The following SPAG16 variants were observed in gnomAD, a reference collection of about 807,000 sequenced individuals.
SPAG16 encodes the protein sperm associated antigen 16, also known as sperm-associated antigen 16 protein.
Under a neutral mutation model 80.4 loss-of-function variants are expected in SPAG16, and 86 were observed. The observed-to-expected ratio is 1.07, with a 90% CI of 0.90 to 1.28. The LOEUF is 1.28. Ranked by LOEUF, SPAG16 falls within the 50% of genes most tolerant of loss-of-function variation. The probability of loss-of-function intolerance (pLI) is 0.00; values close to 1 mark genes in which losing one functional copy is unlikely to be tolerated. For synonymous variants in SPAG16, 294 were observed against 265.9 expected (o/e 1.11, Z -1.03); for missense variants, 870 against 765.3 (o/e 1.14, Z -1.61).
intron 10 of SPAG16, among the ~76,000 whole-genome samples, chr2:213,523,667 T>C (rs1474522810): frequency 1.3e-5 from 2 of 152,200 alleles, no homozygotes; most frequent in Admixed American, 1.3e-4. Flanking sequence ...CTGATAGTGA[T>C]ACAAACAATG....
intron 13 of SPAG16, among the ~76,000 whole-genome samples, chr2:214,025,861 A>G (rs1401534323): frequency 6.6e-6 from 1 of 151,550 alleles, no homozygotes; most frequent in Non-Finnish European, 1.5e-5. Flanking sequence ...TGTGCATTCT[A>G]TATATAAGGA....
chr2:213,564,631 T>C (rs943472160), intron 10 of SPAG16, among the ~76,000 whole-genome samples: 12 of 152,180 alleles, frequency 7.9e-5, no homozygotes, highest in Non-Finnish European at 1.6e-4. Flanking sequence ...ACATGCCTTG[T>C]AGCACATAAA....
At chr2:214,319,200 C>CACACACACACACACACACACA (rs140486125) in intron 15 of SPAG16, among the ~76,000 whole-genome samples, 2 of 142,340 alleles carry the variant, frequency 1.4e-5, no homozygotes, top group African/African-American at 2.6e-5. Flanking sequence ...CACACACACA[C>CACACACACACACACACACACA]CACACACACA....
chr2:213,576,258 C>T (rs945890658), intron 10 of SPAG16, among the ~76,000 whole-genome samples: 3 of 152,080 alleles, frequency 2.0e-5, no homozygotes, highest in African/African-American at 7.2e-5. Context: ...TTTCTGGGTT[C>T]TCTATTCTGT....
At chr2:213,699,567 G>C (rs2065314020) in intron 10 of SPAG16, among the ~76,000 whole-genome samples, 1 of 152,146 alleles carries the variant, frequency 6.6e-6, no homozygotes, top group Non-Finnish European at 1.5e-5. Context: ...GCTGCAGCAG[G>C]ATGTCTAGTA....
At position 213,601,329 on chromosome 2, in the gene SPAG16, C is replaced by G. The variant is rs73988562; in HGVS notation, c.1070+111239C>G. Among the ~76,000 whole-genome samples, 387 of 152,178 alleles carry G rather than the reference C, an allele frequency of 2.5e-3. 3 individuals are homozygous for G. The highest frequency in any genetic ancestry group is 8.5e-3 in the African/African-American group (355 of 41,530). On this transcript the variant is annotated intron_variant, in intron 10 of 15. Transcript: ENST00000331683. ...TTGGAAGAGATGGAGGGGAGAGAGA[C>G]CTTGAGGCTTCTTTTTCAGTTCATC...
At chr2:213,843,139 G>C (rs1575324059) in intron 10 of SPAG16, among the ~76,000 whole-genome samples, 2 of 151,612 alleles carry the variant, frequency 1.3e-5, no homozygotes, top group African/African-American at 2.4e-5. Flanking sequence ...TATACTTTAA[G>C]TTTTAGGGTA....
chr2:214,295,930 A>G (rs1200626205), intron 15 of SPAG16, among the ~76,000 whole-genome samples: 1 of 152,186 alleles, frequency 6.6e-6, no homozygotes, highest in Non-Finnish European at 1.5e-5. Flanking sequence ...CAGGGGATAT[A>G]TGTGCATGTT....
At chr2:213,543,798 T>C (rs1250205453) in intron 10 of SPAG16, among the ~76,000 whole-genome samples, 3 of 152,082 alleles carry the variant, frequency 2.0e-5, no homozygotes, top group South Asian at 4.1e-4. Flanking sequence ...TTCTACCAGA[T>C]ACACCTTGAT....
intron 9 of SPAG16, among the ~76,000 whole-genome samples, chr2:213,424,294 AG>A (rs1254731756): frequency 1.3e-5 from 2 of 152,244 alleles, no homozygotes; most frequent in South Asian, 4.1e-4. Flanking sequence ...TAGAAGGATT[AG>A]AAGATTAAAT....
At chr2:213,336,793 T>C (rs749858683) in intron 5 of SPAG16, among the ~76,000 whole-genome samples, 2 of 152,184 alleles carry the variant, frequency 1.3e-5, no homozygotes, top group Non-Finnish European at 2.9e-5. Context: ...CAGTGGTCTT[T>C]GTCTTTTCTG....
At chr2:213,347,453 C>T (rs1441372516) in intron 6 of SPAG16, among the ~76,000 whole-genome samples, 2 of 152,076 alleles carry the variant, frequency 1.3e-5, no homozygotes, top group Non-Finnish European at 2.9e-5. Context: ...GCTCTTGCTT[C>T]TCTTGTTCTT....
intron 12 of SPAG16, among the ~76,000 whole-genome samples, chr2:213,994,646 G>A (rs1203526533): frequency 6.7e-6 from 1 of 150,258 alleles, no homozygotes; most frequent in Non-Finnish European, 1.5e-5. Flanking sequence ...CCATTCACTG[G>A]ATCTGAGATG....
intron 10 of SPAG16, among the ~76,000 whole-genome samples, chr2:213,855,353 A>G (rs1214938512): frequency 6.6e-6 from 1 of 152,234 alleles, no homozygotes; most frequent in Non-Finnish European, 1.5e-5. Flanking sequence ...ACTCAAGTTC[A>G]TGTATTCTGG....
At chr2:213,738,517 T>C (rs1298644302) in intron 10 of SPAG16, among the ~76,000 whole-genome samples, 3 of 152,080 alleles carry the variant, frequency 2.0e-5, no homozygotes, top group Non-Finnish European at 4.4e-5. Flanking sequence ...ATATGAAAAA[T>C]TGAATGTTGA....
At chr2:214,319,200 C>CCACACACACACACACACACACA (rs61711759) in intron 15 of SPAG16, among the ~76,000 whole-genome samples, 7,598 of 142,208 alleles carry the variant, frequency 0.053, 297 homozygotes, top group Admixed American at 0.09. Flanking sequence ...CACACACACA[C>CCACACACACACACACACACACA]CACACACACA....
At chr2:214,117,836 G>A (rs1296932454) in intron 14 of SPAG16, among the ~76,000 whole-genome samples, 24 of 152,004 alleles carry the variant, frequency 1.6e-4, no homozygotes, top group Non-Finnish European at 2.9e-5. Context: ...GAACAATTAG[G>A]TATAGAAGCA....
chr2:213,657,454 TA>T (rs1383936679), intron 10 of SPAG16, among the ~76,000 whole-genome samples: 1 of 152,202 alleles, frequency 6.6e-6, no homozygotes, highest in Middle Eastern at 3.2e-3. Context: ...ATGGTACTTT[TA>T]AAAAATTGAT....
At chr2:213,643,967 GA>G (rs2062724735) in intron 10 of SPAG16, among the ~76,000 whole-genome samples, 1 of 150,756 alleles carries the variant, frequency 6.6e-6, no homozygotes, top group Non-Finnish European at 1.5e-5. Flanking sequence ...TTTTAGTAGA[GA>G]TGGAGTTTCA....
Sources: allele counts gnomAD v4.1 joint callset (sites outside exome capture counted in the v4.1 genomes callset), GRCh38; gene constraint gnomAD v4.1.1; transcripts MANE v1.5; gene names NCBI Gene and HGNC (gene_info 2026-07-23, HGNC 2026-07-21).